ST6GALNAC4: variants seen among roughly 807,000 people sequenced by gnomAD.
ST6GALNAC4 encodes ST6 N-acetylgalactosaminide alpha-2,6-sialyltransferase 4, also known as alpha-N-acetyl-neuraminyl-2,3-beta-galactosyl-1,3-N-acetyl-galactosaminide alpha-2,6-sialyltransferase.
In ST6GALNAC4, 24 loss-of-function variants were observed where a neutral mutation model predicts 30.4. The ratio of observed to expected loss-of-function variants is 0.79; its 90% CI spans 0.57 to 1.11. The LOEUF (loss-of-function observed/expected upper bound fraction) is 1.11. Ranked by LOEUF, ST6GALNAC4 falls within the 50% of genes most tolerant of loss-of-function variation. ST6GALNAC4 has a pLI of 0.00. For missense variants in ST6GALNAC4, 365 were observed against 430.1 expected (o/e 0.85, Z 1.34); for synonymous variants, 156 against 179.7 (o/e 0.87, Z 1.05).
intron 2 of ST6GALNAC4, 125 bp from the exon 3 acceptor site, chr9:127,914,966 A>AG: frequency 7.1e-6 from 6 of 844,774 alleles, no homozygotes; most frequent in Non-Finnish European, 1.0e-5. Flanking sequence ...CTAGAACAGC[A>AG]GCAGAATCCA....
In ST6GALNAC4 at chr9:127,914,651, C is replaced by G; in HGVS notation, c.198+5G>C. The G allele has an allele frequency of 6.2e-7, 1 of 1,604,920 alleles. No individual in the cohort carries two copies. The highest frequency in any genetic ancestry group is 8.5e-7 in the Non-Finnish European group (1 of 1,176,014). On this transcript the variant is annotated splice_donor_5th_base_variant and intron_variant, in intron 3 of 5. Coordinates refer to ENST00000335791, the MANE Select transcript of ST6GALNAC4 (RefSeq NM_175039.4). The stretch of plus-strand genomic sequence containing the variant: ...CACCCCGGATGCATTGCCTGGCCCA[C>G]TCACCTTCCCATCTGGCACACTGCT...
intron 5 of ST6GALNAC4, among the ~76,000 whole-genome samples, chr9:127,909,379 A>G (rs1413258525): frequency 4.0e-5 from 6 of 151,194 alleles, no homozygotes; most frequent in African/African-American, 1.2e-4. Flanking sequence ...ACAAGAGCAA[A>G]ACTCCATCTC....
Position 127,912,430 on chromosome 9 carries a change from A to C in ST6GALNAC4, c.449T>G (p.Val150Gly). The C allele has an allele frequency of 6.2e-7, 1 of 1,614,014 alleles. No homozygotes were observed. Among genetic ancestry groups the C allele is most frequent in the Non-Finnish European group, 8.5e-7 (1 of 1,179,984 alleles). The change falls in exon 4 of 6, where the codon GTG becomes GGG. Residue 150 changes from valine to glycine, a missense_variant. Coordinates refer to ENST00000335791, the MANE Select transcript of ST6GALNAC4 (RefSeq NM_175039.4). ...GTCCATGTGCCTGCCCTGGCCCCACACCATGTAGAGCGTGTCTCGGGCCTT... is the reference window on the plus strand; with the variant it reads ...GTCCATGTGCCTGCCCTGGCCCCACCCCATGTAGAGCGTGTCTCGGGCCTT... Reference protein sequence around the residue: ...FQKARDTLYMVWGQGRHMDRV... With the variant: ...FQKARDTLYMGWGQGRHMDRV...
In ST6GALNAC4 at chr9:127,916,309, G is replaced by A. The variant is rs1320343811; in HGVS notation, c.12+99C>T. The A allele has an allele frequency of 2.0e-5, 30 of 1,518,578 alleles. 1 individual carries two copies. The highest frequency in any genetic ancestry group is 2.5e-5 in the Non-Finnish European group (27 of 1,096,232). 94.1% of individuals were successfully genotyped at this position (1,518,578 alleles called of 1,614,324 possible). A position where few individuals can be genotyped will look rare whatever the true frequency, so the allele number is the denominator to read the frequency against. On this transcript the variant is annotated intron_variant, in intron 2 of 5. Coordinates refer to ENST00000335791, the MANE Select transcript of ST6GALNAC4 (RefSeq NM_175039.4). ...CCCTTCTCTGCTCAGCAGTAGGGAG[G>A]TCAGAAGTGGCAGTGGGTCCTGGGG... is the stretch of plus-strand genomic sequence containing the variant.
In ST6GALNAC4 at chr9:127,914,720, C is replaced by A. The variant is rs775105708; in HGVS notation, c.134G>T (p.Gly45Val). 2 of 1,611,442 alleles carry A rather than the reference C, an allele frequency of 1.2e-6. No individual in the cohort carries two copies. The highest frequency in any genetic ancestry group is 1.7e-6 in the Non-Finnish European group (2 of 1,178,704). The change falls in exon 3 of 6, where the codon GGC becomes GTC. Residue 45 changes from glycine to valine, a missense_variant. By Grantham distance (109) the Gly-to-Val change is moderately radical. Transcript: ENST00000335791. Reference protein sequence around the residue: ...ATCLDHHFPTGSRPTVPGPLH... With the variant: ...ATCLDHHFPTVSRPTVPGPLH... ...GGGTCCCGGCACAGTGGGCCTGGAG[C>A]CTGTGGGGAAGTGGTGGTCCAGGCA...
At chr9:127,910,841 A>T (rs955070608) in intron 4 of ST6GALNAC4, among the ~76,000 whole-genome samples, 1 of 152,220 alleles carries the variant, frequency 6.6e-6, no homozygotes, top group African/African-American at 2.4e-5. Context: ...AAAAATAGAT[A>T]AACAAGTAGC....
At chr9:127,912,788 T>C (rs903432116) in intron 3 of ST6GALNAC4, 108 bp from the exon 4 acceptor site, 14 of 1,337,404 alleles carry the variant, frequency 1.0e-5, no homozygotes, top group African/African-American at 1.5e-5. Flanking sequence ...AGGTATCGGC[T>C]TGAAGGACTG....
intron 5 of ST6GALNAC4, among the ~76,000 whole-genome samples, chr9:127,909,654 G>A (rs1329404452): frequency 6.6e-6 from 1 of 151,776 alleles, no homozygotes; most frequent in Admixed American, 6.6e-5. Context: ...AACCTTCCAA[G>A]TAAGATGTGG....
At chr9:127,916,308 G>A in intron 2 of ST6GALNAC4, 100 bp downstream of exon 2, 1 of 1,495,220 alleles carries the variant, frequency 6.7e-7, no homozygotes, top group Non-Finnish European at 9.3e-7. Context: ...GCAGTAGGGA[G>A]GTCAGAAGTG....
At chr9:127,908,935 A>G (rs906364021) in intron 5 of ST6GALNAC4, among the ~76,000 whole-genome samples, 7 of 152,014 alleles carry the variant, frequency 4.6e-5, no homozygotes, top group Admixed American at 2.0e-4. Flanking sequence ...GTGAGGGAGG[A>G]GCCCCTCATT....
intron 3 of ST6GALNAC4, among the ~76,000 whole-genome samples, chr9:127,913,021 C>T (rs1023548145): frequency 6.6e-6 from 1 of 152,206 alleles, no homozygotes; most frequent in Non-Finnish European, 1.5e-5. Flanking sequence ...CAGTGGCTGG[C>T]GCAGACTGGA....
Position 127,908,022 on chromosome 9 carries a change from G to C in ST6GALNAC4, c.*370C>G, listed in dbSNP as rs1830966866. ...CAGCCTGAGAAGTGTGGCACCAAAA[G>C]GTGGTAGGAGCGGCTGGGGAGGGAG... On this transcript the variant is annotated 3_prime_UTR_variant, in exon 6 of 6. Transcript: ENST00000335791. 6.3e-6 allele frequency: 1 copy of C among 157,950 alleles called. No individual in the cohort carries two copies. The highest frequency in any genetic ancestry group is 2.4e-5 in the African/African-American group (1 of 41,710). The allele number at this position is 157,950 out of a possible 1,614,324, so 9.8% of individuals were successfully genotyped here. A position where few individuals can be genotyped will look rare whatever the true frequency, so the allele number is the denominator to read the frequency against.
At chr9:127,911,208 G>C (rs1349402007) in intron 4 of ST6GALNAC4, among the ~76,000 whole-genome samples, 1 of 152,166 alleles carries the variant, frequency 6.6e-6, no homozygotes, top group Non-Finnish European at 1.5e-5. Context: ...GCCAGGAGTG[G>C]TGGGGGCGGG....
chr9:127,909,505 T>C (rs1831024961), intron 5 of ST6GALNAC4, among the ~76,000 whole-genome samples: 1 of 149,838 alleles, frequency 6.7e-6, no homozygotes, highest in Non-Finnish European at 1.5e-5. Flanking sequence ...ATATCAAAAA[T>C]CACATATAAT....
rs775528082 is a variant in ST6GALNAC4 at position 127,908,448 on chromosome 9, G to A, written c.853C>T (p.Arg285Cys). The change falls in exon 6 of 6, where the codon CGC becomes TGC. Residue 285 changes from arginine (R) to cysteine (C), a missense_variant. Transcript: ENST00000335791. The part of the protein sequence containing the change: ...RFITEKAVFS[R>C]WAKKRPIVFA... ...ACGATGGGCCTCTTCTTGGCCCAGC[G>A]GGAGAAGACCGCCTTCTCAGTGATG... The A allele has an allele frequency of 3.1e-6, 5 of 1,602,410 alleles. No homozygotes were observed. The highest frequency in any genetic ancestry group is 2.2e-5 in the East Asian group (1 of 44,466).
chr9:127,916,765 C>T, intron 1 of ST6GALNAC4, 61 bp downstream of exon 1: 1 of 463,814 alleles, frequency 2.2e-6, no homozygotes, highest in Non-Finnish European at 3.9e-6. Flanking sequence ...AGCTCAAGGT[C>T]ACCCATCAGG....
chr9:127,908,926 T>A (rs140387467), intron 5 of ST6GALNAC4, among the ~76,000 whole-genome samples: 2,277 of 152,166 alleles, frequency 0.015, 63 homozygotes, highest in African/African-American at 0.052. Context: ...GGGCTCCTGG[T>A]GAGGGAGGAG....
chr9:127,912,444 G>A lies in ST6GALNAC4; in HGVS notation c.435C>T (p.Asp145=). ...CCTGGCCCCACACCATGTAGAGCGT[G>A]TCTCGGGCCTTCTGGAAGTAGTGTG... ...NYSHYFQKAR[D]TLYMVWGQGR... The change falls in exon 4 of 6, where the codon GAC becomes GAT. Residue 145 remains aspartate, a synonymous_variant. Coordinates refer to ENST00000335791, the MANE Select transcript of ST6GALNAC4 (RefSeq NM_175039.4). The A allele has an allele frequency of 1.2e-6, 2 of 1,614,124 alleles. No homozygotes were observed. Among genetic ancestry groups the A allele is most frequent in the Non-Finnish European group, 1.7e-6 (2 of 1,179,996 alleles).
rs537311839 is a variant in ST6GALNAC4 at position 127,908,241 on chromosome 9, G to A, written c.*151C>T. 40 of 625,858 alleles carry A rather than the reference G, an allele frequency of 6.4e-5. No individual in the cohort carries two copies. Among genetic ancestry groups the A allele is most frequent in the Admixed American group, 6.2e-4 (15 of 24,380 alleles). The allele number at this position is 625,858 out of a possible 1,614,324, so 38.8% of individuals were successfully genotyped here. The stretch of plus-strand genomic sequence containing the variant: ...GAGGCCTGAGATGGCTCCAAGTGTC[G>A]CCAGAATGGGGCGGGAAGGAACCTT... On this transcript the variant is annotated 3_prime_UTR_variant, in exon 6 of 6. Coordinates refer to ENST00000335791, the MANE Select transcript of ST6GALNAC4 (RefSeq NM_175039.4).
Sources: allele counts gnomAD v4.1 joint callset (sites outside exome capture counted in the v4.1 genomes callset), GRCh38; gene constraint gnomAD v4.1.1; transcripts MANE v1.5; gene names NCBI Gene and HGNC (gene_info 2026-07-23, HGNC 2026-07-21).